The following ZMIZ1 variants were observed in gnomAD, a reference collection of about 807,000 sequenced individuals.
ZMIZ1 encodes zinc finger MIZ-type containing 1.
In ZMIZ1, 17 loss-of-function variants were observed where a neutral mutation model predicts 113.9. The ratio of observed to expected loss-of-function variants is 0.15; its 90% CI spans 0.10 to 0.22. The LOEUF (loss-of-function observed/expected upper bound fraction) is 0.22. Ranked by LOEUF, ZMIZ1 falls within the 10% of genes least tolerant of loss-of-function variation. ZMIZ1 has a pLI of 1.00. For missense variants in ZMIZ1, 1,059 were observed against 1,477.8 expected, an observed-to-expected ratio of 0.72 and a Z score of 4.65; for synonymous variants, 607 against 603.1, an observed-to-expected ratio of 1.01 and a Z score of -0.09.
intron 3 of ZMIZ1, among the ~76,000 whole-genome samples, chr10:79,159,901 C>T (rs891132374): frequency 1.3e-5 from 2 of 152,202 alleles, no homozygotes; most frequent in Admixed American, 6.5e-5. Flanking sequence ...CAGTGAGGTA[C>T]GTGTGTGCAC....
In ZMIZ1 at chr10:79,297,606, T is replaced by G; in HGVS notation, c.1414-7T>G. ...CCCACTCAGTGTTGTTTATCTTGTT[T>G]TAATAGCCAGAACAGTTTAATGGAC... On this transcript the variant is annotated splice_polypyrimidine_tract_variant and splice_region_variant and intron_variant, in intron 13 of 24. Transcript: ENST00000334512. The G allele has an allele frequency of 3.7e-6, 6 of 1,613,776 alleles. No homozygotes were observed. Among genetic ancestry groups the G allele is most frequent in the Non-Finnish European group, 5.1e-6 (6 of 1,179,734 alleles).
intron 1 of ZMIZ1, among the ~76,000 whole-genome samples, chr10:79,093,293 ATT>A (rs1197994532): frequency 5.1e-4 from 2 of 3,886 alleles, no homozygotes; most frequent in East Asian, 0.026. Flanking sequence ...GTTTTATTTT[ATT>A]TATTTATTTA....
At position 79,201,780 on chromosome 10, in the gene ZMIZ1, G is replaced by A. The variant is rs1007366666; in HGVS notation, c.60+88G>A. 3.0e-4 allele frequency: 434 copies of A among 1,442,828 alleles called. No homozygotes were observed. The Middle Eastern group carries it at 6.2e-3, about 21-fold the overall frequency. 89.4% of individuals were successfully genotyped at this position (1,442,828 alleles called of 1,614,324 possible). ...CATCTGGTGGGTTCTGGCTGGAGAC[G>A]ATGGCAGGGCCTCCTGACCACCTAC... is the stretch of plus-strand genomic sequence containing the variant. On this transcript the variant is annotated intron_variant, in intron 5 of 24. Transcript: ENST00000334512.
intron 7 of ZMIZ1, among the ~76,000 whole-genome samples, chr10:79,253,820 A>C (rs1389118966): frequency 6.6e-6 from 1 of 152,152 alleles, no homozygotes; most frequent in Admixed American, 6.5e-5. Flanking sequence ...CTCAGTGTCC[A>C]TCATGCCCTG....
At chr10:79,158,976 G>A (rs777950883) in intron 3 of ZMIZ1, among the ~76,000 whole-genome samples, 7 of 152,224 alleles carry the variant, frequency 4.6e-5, no homozygotes, top group Non-Finnish European at 4.4e-5. Flanking sequence ...CTGTCGGCAC[G>A]CTGCCCTTTC....
chr10:79,169,415 C>G (rs1345037469), intron 4 of ZMIZ1, among the ~76,000 whole-genome samples: 1 of 152,222 alleles, frequency 6.6e-6, no homozygotes, highest in Non-Finnish European at 1.5e-5. Flanking sequence ...GCACTAGAAC[C>G]TATAAATAAT....
At chr10:79,198,733 T>C (rs1226803644) in intron 4 of ZMIZ1, among the ~76,000 whole-genome samples, 2 of 152,198 alleles carry the variant, frequency 1.3e-5, no homozygotes, top group Non-Finnish European at 2.9e-5. Context: ...CCTGCAGCAC[T>C]GCAATGATAA....
intron 7 of ZMIZ1, among the ~76,000 whole-genome samples, 193 bp from the exon 8 acceptor site, chr10:79,276,988 A>G (rs1234577657): frequency 6.6e-6 from 1 of 152,106 alleles, no homozygotes; most frequent in Non-Finnish European, 1.5e-5. Flanking sequence ...TCCTCCTTCA[A>G]GGGTGTCAGT....
At chr10:79,302,686 T>TTTTTTTTTTG (rs1854389114) in intron 18 of ZMIZ1, among the ~76,000 whole-genome samples, 1 of 128,164 alleles carries the variant, frequency 7.8e-6, no homozygotes, top group Non-Finnish European at 1.7e-5. Flanking sequence ...TCATGCTTTT[T>TTTTTTTTTTG]TTTTTTTTTT....
At chr10:79,168,597 C>G (rs1846464994) in intron 4 of ZMIZ1, among the ~76,000 whole-genome samples, 1 of 152,258 alleles carries the variant, frequency 6.6e-6, no homozygotes, top group South Asian at 2.1e-4. Context: ...AAGGTGATGT[C>G]TAGCATCCCA....
chr10:79,112,851 C>T lies in ZMIZ1; in HGVS notation c.-336-6064C>T, dbSNP rs74694793. ...TTAATTTCTTCTGATTATTTCTTGACGGTCCCAGGCGTTGGTGGTAAACAA... is the reference window on the plus strand; with the variant it reads ...TTAATTTCTTCTGATTATTTCTTGATGGTCCCAGGCGTTGGTGGTAAACAA... On this transcript the variant is annotated intron_variant, in intron 1 of 24. Coordinates refer to ENST00000334512, the MANE Select transcript of ZMIZ1 (RefSeq NM_020338.4). Among the ~76,000 whole-genome samples the T allele has an allele frequency of 1.4e-3, 212 of 152,314 alleles. 2 individuals carry two copies. The highest frequency in any genetic ancestry group is 0.012 in the East Asian group (62 of 5,184).
At chr10:79,159,970 G>A (rs779108683) in intron 3 of ZMIZ1, among the ~76,000 whole-genome samples, 4 of 152,344 alleles carry the variant, frequency 2.6e-5, no homozygotes, top group African/African-American at 4.8e-5. Context: ...GGGCCTGGCC[G>A]ATGCTCACTG....
intron 1 of ZMIZ1, among the ~76,000 whole-genome samples, chr10:79,108,957 G>A (rs1174732334): frequency 6.6e-6 from 1 of 152,048 alleles, no homozygotes; most frequent in Non-Finnish European, 1.5e-5. Context: ...AGGCCCACGT[G>A]CTCTGTGTGC....
intron 1 of ZMIZ1, among the ~76,000 whole-genome samples, chr10:79,075,576 C>CATGCACACCTGCACACAT (rs137921527): frequency 0.54 from 80,996 of 149,310 alleles, 21,884 homozygotes; most frequent in Non-Finnish European, 0.56. Flanking sequence ...CATGCACACA[C>CATGCACACCTGCACACAT]ATGCACACAT....
chr10:79,077,676 C>T (rs1018343393), intron 1 of ZMIZ1, among the ~76,000 whole-genome samples: 1 of 152,238 alleles, frequency 6.6e-6, no homozygotes, highest in Non-Finnish European at 1.5e-5. Context: ...GCCCTCAGCT[C>T]TGCTCTTTAT....
chr10:79,218,820 A>G (rs946629069), intron 7 of ZMIZ1, among the ~76,000 whole-genome samples: 14 of 152,138 alleles, frequency 9.2e-5, no homozygotes, highest in Admixed American at 8.5e-4. Context: ...GTAGAAGGGG[A>G]GCATGCACGG....
rs78454765 is a variant in ZMIZ1, at chr10:79,239,717, G to T, written c.280+23443G>T. Among the ~76,000 whole-genome samples, 440 of 152,266 alleles carry T rather than the reference G, an allele frequency of 2.9e-3. 2 individuals are homozygous for T. Among genetic ancestry groups the T allele is most frequent in the African/African-American group, 0.01 (420 of 41,544 alleles). On this transcript the variant is annotated intron_variant, in intron 7 of 24. Transcript: ENST00000334512. ...CTATGCAAAGCCTTATACAGGAGGT[G>T]ACCCAGCCCAGAACCACTTTGACCC...
At chr10:79,276,439 A>T (rs140675560) in intron 7 of ZMIZ1, among the ~76,000 whole-genome samples, 4 of 152,220 alleles carry the variant, frequency 2.6e-5, no homozygotes, top group African/African-American at 4.8e-5. Context: ...GGGCTCTCTT[A>T]TCCCGGATGT....
intron 8 of ZMIZ1, among the ~76,000 whole-genome samples, chr10:79,285,175 G>T (rs997911090): frequency 2.6e-5 from 4 of 152,232 alleles, no homozygotes; most frequent in African/African-American, 7.2e-5. Flanking sequence ...CCTTGCCCTT[G>T]ATTGGCTCTG....
Sources: allele counts gnomAD v4.1 joint callset (sites outside exome capture counted in the v4.1 genomes callset), GRCh38; gene constraint gnomAD v4.1.1; transcripts MANE v1.5; gene names NCBI Gene and HGNC (gene_info 2026-07-23, HGNC 2026-07-21).